Variants in TOP3B observed in about 807,000 individuals in gnomAD.
TOP3B encodes the protein DNA topoisomerase III beta, also known as DNA topoisomerase 3-beta-1.
TOP3B carries 45 observed loss-of-function variants against 93.9 expected under a neutral mutation model. The ratio of observed to expected loss-of-function variants is 0.48; its 90% CI spans 0.38 to 0.61. The LOEUF (loss-of-function observed/expected upper bound fraction) is 0.61. TOP3B is among the 20% of genes least tolerant of loss of function. The pLI is 0.00. For synonymous variants in TOP3B, 357 were observed against 472.6 expected (o/e 0.76, Z 3.17); for missense variants, 750 against 1,156.1 (o/e 0.65, Z 5.09).
intron 8 of TOP3B, 138 bp from the exon 9 acceptor site, chr22:21,965,513 A>G (rs1405827561): frequency 2.2e-6 from 1 of 457,812 alleles, no homozygotes; most frequent in Non-Finnish European, 3.9e-6. Flanking sequence ...AACAGTCTAA[A>G]GACTTGATTG....
chr22:21,958,457 G>A, intron 17 of TOP3B, 35 bp downstream of exon 17: 1 of 1,613,514 alleles, frequency 6.2e-7, no homozygotes. Flanking sequence ...AGAGACTGCA[G>A]CTACCTGTGG....
chr22:21,973,064 A>G, intron 3 of TOP3B: 1 of 360,572 alleles, frequency 2.8e-6, no homozygotes, highest in South Asian at 2.3e-5. Flanking sequence ...TCTTTGCCTG[A>G]GCACTGGACC....
chr22:21,960,815 G>A (rs553118749), intron 13 of TOP3B: 16 of 259,274 alleles, frequency 6.2e-5, no homozygotes, highest in African/African-American at 2.9e-4. Context: ...ACCTGCTCCC[G>A]GAGCCAGAGC....
intron 6 of TOP3B, chr22:21,969,942 T>C (rs2145860298): frequency 3.9e-6 from 1 of 253,946 alleles, no homozygotes; most frequent in Non-Finnish European, 7.6e-6. Context: ...TTTTTTTTTT[T>C]TTTTTTTTGT....
chr22:21,965,593 G>A (rs2071384827), intron 8 of TOP3B: 1 of 332,334 alleles, frequency 3.0e-6, no homozygotes. Flanking sequence ...TTGGCTGGGT[G>A]TGGTGGCTCA....
At position 21,963,344 on chromosome 22, in the gene TOP3B, G is replaced by A. The variant is rs961265421; in HGVS notation, c.1205-451C>T. 104 of 151,714 alleles carry A rather than the reference G, an allele frequency of 6.9e-4. No homozygotes were observed. The highest frequency in any genetic ancestry group is 1.8e-3 in the African/African-American group (72 of 39,866). The allele number at this position is 151,714 out of a possible 1,614,324, so 9.4% of individuals were successfully genotyped here. ...AGAACAAGACTCTGTCTCAAAAAAA[G>A]AAAAAAAAAAAGCAAATGCGGAGGA... On this transcript the variant is annotated intron_variant, in intron 11 of 17. Transcript: ENST00000357179. The surrounding 1 kb of genome is among the most constrained non-coding windows in gnomAD (Gnocchi z 4.8).
chr22:21,965,641 T>G (rs1601831045), intron 8 of TOP3B: 1 of 221,016 alleles, frequency 4.5e-6, no homozygotes, highest in Non-Finnish European at 8.9e-6. Flanking sequence ...CTGAGGCGGG[T>G]GGATCACCTG....
intron 14 of TOP3B, chr22:21,960,076 G>A (rs1304370066): frequency 1.5e-6 from 1 of 657,646 alleles, no homozygotes. Flanking sequence ...CAGGGCTGAG[G>A]CAACTTCGCC....
At chr22:21,962,327 C>T (rs769012450) in intron 13 of TOP3B, 102 bp downstream of exon 13, 200 of 1,600,510 alleles carry the variant, frequency 1.2e-4, no homozygotes, top group Non-Finnish European at 1.6e-4. Context: ...TGGAGGGGTG[C>T]TGGGCTGGGC....
intron 2 of TOP3B, chr22:21,975,372 A>G (rs1467116587): frequency 1.1e-5 from 4 of 364,686 alleles, no homozygotes; most frequent in Non-Finnish European, 2.0e-5. Flanking sequence ...CCTGTACCTA[A>G]TAGCCCCACC....
chr22:21,970,249 C>A lies in TOP3B; in HGVS notation c.542G>T (p.Arg181Leu), dbSNP rs757937448. 1 of 1,613,500 alleles carries A rather than the reference C, an allele frequency of 6.2e-7. No individual in the cohort carries two copies. Among genetic ancestry groups the A allele is most frequent in the Non-Finnish European group, 8.5e-7 (1 of 1,180,012 alleles). The change falls in exon 6 of 18, where the codon CGC becomes CTC. Residue 181 changes from arginine (R) to leucine (L), a missense_variant. Arg to Leu is a moderately radical substitution (Grantham distance 102). Around this residue, in one of 4 missense-constraint regions of TOP3B, gnomAD observed 737 missense variants for 933.7 expected, o/e 0.79. Coordinates refer to ENST00000357179, the MANE Select transcript of TOP3B (RefSeq NM_001282112.2). The surrounding 1 kb of genome is among the most constrained non-coding windows in gnomAD (Gnocchi z 4.4). ...GCCGATTCGCAGGTCCAGCTCCTGGCGAGCATCCACTGAGAGCGCCTCGTT... is the reference window on the plus strand; with the variant it reads ...GCCGATTCGCAGGTCCAGCTCCTGGAGAGCATCCACTGAGAGCGCCTCGTT... ...DHNEALSVDA[R>L]QELDLRIGCA...
intron 4 of TOP3B, 148 bp from the exon 5 acceptor site, chr22:21,972,099 G>T: frequency 1.6e-6 from 1 of 618,106 alleles, no homozygotes; most frequent in Non-Finnish European, 2.8e-6. Flanking sequence ...GGAGCTGGCT[G>T]TGTTGAGGCT....
Position 21,970,855 on chromosome 22 carries a change from AG to A in TOP3B, c.385-450del. 2 of 432,154 alleles carry A rather than the reference AG, an allele frequency of 4.6e-6. No individual in the cohort carries two copies. Among genetic ancestry groups the A allele is most frequent in the Non-Finnish European group, 7.1e-6 (2 of 283,374 alleles). 26.8% of individuals were successfully genotyped at this position (432,154 alleles called of 1,614,324 possible). On this transcript the variant is annotated intron_variant, in intron 5 of 17. Transcript: ENST00000357179. This position sits in a 1 kb window ranked among gnomAD's most constrained non-coding sequence, Gnocchi z 4.4. ...AATTTTAAGAGGCTGAAGAAAAGAC[AG>A]GGAAGGAAAAAAGAATGAAGGGGAA... is the stretch of plus-strand genomic sequence containing the variant.
intron 8 of TOP3B, chr22:21,967,085 A>T (rs1337077071): frequency 1.2e-5 from 2 of 162,676 alleles, no homozygotes; most frequent in African/African-American, 4.8e-5. Flanking sequence ...CAGCCAGGTC[A>T]CCTCACCGTT....
intron 13 of TOP3B, chr22:21,962,095 CAG>C (rs1000094814): frequency 7.9e-7 from 1 of 1,258,554 alleles, no homozygotes; most frequent in African/African-American, 1.5e-5. Context: ...TGTGTGGACT[CAG>C]GGGACTGCCA....
rs770031596 is a variant in TOP3B at position 21,970,179 on chromosome 22, G to A, written c.581+31C>T. The A allele has an allele frequency of 5.0e-6, 8 of 1,597,500 alleles. No homozygotes were observed. In the Admixed American group the frequency reaches 1.3e-4, roughly 27 times the overall value. On this transcript the variant is annotated intron_variant, in intron 6 of 17. Transcript: ENST00000357179. This position sits in a 1 kb window ranked among gnomAD's most constrained non-coding sequence, Gnocchi z 4.4. ...TCTCTGGCTGAGGGAGAGTGAGGGT[G>A]TGCCCAGGACTCTGCGGGTGTGGCC...
intron 7 of TOP3B, chr22:21,968,388 C>T: frequency 1.8e-6 from 1 of 543,242 alleles, no homozygotes; most frequent in Non-Finnish European, 3.3e-6. Flanking sequence ...ACTGCCAGAG[C>T]TGAACTCATT....
chr22:21,960,181 C>T (rs2071106681), intron 14 of TOP3B, 140 bp downstream of exon 14: 5 of 1,309,606 alleles, frequency 3.8e-6, no homozygotes, highest in Non-Finnish European at 5.3e-6. Context: ...AGCACCCCTT[C>T]AGCGGGTGTT....
chr22:21,963,794 C>T lies in TOP3B; in HGVS notation c.1204+129G>A. ...TGGAGCTCATCTTCCAGGTGGCCCC[C>T]CATCCCCACAGCCAGGGCAGGCAGA... On this transcript the variant is annotated intron_variant, in intron 11 of 17. Coordinates refer to ENST00000357179, the MANE Select transcript of TOP3B (RefSeq NM_001282112.2). The surrounding 1 kb of genome is among the most constrained non-coding windows in gnomAD (Gnocchi z 4.8). 1.1e-6 allele frequency: 1 copy of T among 913,412 alleles called. No individual in the cohort carries two copies. The highest frequency in any genetic ancestry group is 1.7e-6 in the Non-Finnish European group (1 of 598,316). The allele number at this position is 913,412 out of a possible 1,614,324, so 56.6% of individuals were successfully genotyped here.
Sources: allele counts gnomAD v4.1 joint callset, GRCh38; gene constraint gnomAD v4.1.1; regional missense constraint gnomAD v4.1.1; non-coding constraint Gnocchi (gnomAD v3.1); transcripts MANE v1.5; gene names NCBI Gene and HGNC (gene_info 2026-07-23, HGNC 2026-07-21).